The following ERI1 variants were observed in gnomAD, a reference collection of about 807,000 sequenced individuals.
ERI1 encodes exoribonuclease 1.
Under a neutral mutation model 39.7 loss-of-function variants are expected in ERI1, and 39 were observed. That is an observed-to-expected ratio of 0.98 (90% CI 0.76 to 1.28). The LOEUF is 1.28. Among genes scored for constraint, ERI1 ranks in the 50% most tolerant of loss-of-function variants. ERI1 has a pLI of 0.00. For missense variants in ERI1, 581 were observed against 416.9 expected, an observed-to-expected ratio of 1.39 and a Z score of -3.43; for synonymous variants, 204 against 149.6, an observed-to-expected ratio of 1.36 and a Z score of -2.65.
At position 9,030,931 on chromosome 8, in the gene ERI1, C is replaced by T. The variant is rs558877445; in HGVS notation, c.*897C>T. 7 of 152,246 alleles carry T rather than the reference C, an allele frequency of 4.6e-5. 1 individual carries two copies. The highest frequency in any genetic ancestry group is 1.4e-4 in the African/African-American group (6 of 41,554). 9.4% of individuals were successfully genotyped at this position (152,246 alleles called of 1,614,324 possible). On this transcript the variant is annotated 3_prime_UTR_variant, in exon 7 of 7. Coordinates refer to ENST00000250263, the MANE Select transcript of ERI1 (RefSeq NM_153332.4). ...ATATTACGTTTTTGTTATTAAAAAA[C>T]TTCATTGGCCACTAGTGAAGTTAGT...
intron 3 of ERI1, among the ~76,000 whole-genome samples, chr8:9,089,643 G>T (rs1480951027): frequency 6.6e-6 from 1 of 151,670 alleles, no homozygotes; most frequent in Non-Finnish European, 1.5e-5. Context: ...CACCATCAAA[G>T]TCCTGCCCGG....
intron 3 of ERI1, among the ~76,000 whole-genome samples, chr8:9,070,440 A>T (rs1223985741): frequency 6.6e-6 from 1 of 152,202 alleles, no homozygotes; most frequent in African/African-American, 2.4e-5. Flanking sequence ...ATGAGCTATG[A>T]TCCCACCACT....
intron 3 of ERI1, among the ~76,000 whole-genome samples, chr8:9,067,136 G>A (rs1027344707): frequency 4.6e-5 from 7 of 152,020 alleles, no homozygotes; most frequent in Admixed American, 2.6e-4. Flanking sequence ...ACATAAAATC[G>A]TTTTGGGAAC....
intron 3 of ERI1, among the ~76,000 whole-genome samples, chr8:9,086,644 A>G (rs1301256731): frequency 6.6e-6 from 1 of 152,220 alleles, no homozygotes; most frequent in Admixed American, 6.5e-5. Context: ...GTTCAATATT[A>G]TAGCAAGAAG....
chr8:9,058,857 A>C (rs1481159311), intron 3 of ERI1, among the ~76,000 whole-genome samples: 1 of 151,928 alleles, frequency 6.6e-6, no homozygotes, highest in African/African-American at 2.4e-5. Flanking sequence ...AAATAAATAA[A>C]TAAATAAATA....
At chr8:9,063,714 C>A (rs1177530801) in intron 3 of ERI1, among the ~76,000 whole-genome samples, 1 of 152,042 alleles carries the variant, frequency 6.6e-6, no homozygotes, top group Non-Finnish European at 1.5e-5. Flanking sequence ...GACCATTTGC[C>A]CATTTTACAA....
At chr8:9,040,600 C>G (rs1053101304) in intron 3 of ERI1, among the ~76,000 whole-genome samples, 1 of 152,032 alleles carries the variant, frequency 6.6e-6, no homozygotes, top group African/African-American at 2.4e-5. Flanking sequence ...GCTGAGGCAC[C>G]CCTTAGAAGG....
At chr8:9,055,893 A>G (rs1394609124) in intron 3 of ERI1, among the ~76,000 whole-genome samples, 1 of 152,070 alleles carries the variant, frequency 6.6e-6, no homozygotes, top group Non-Finnish European at 1.5e-5. Flanking sequence ...TCTGGTTTCT[A>G]TGACCTACCT....
At chr8:9,008,639 T>C (rs73524209) in intron 2 of ERI1, among the ~76,000 whole-genome samples, 1 of 152,204 alleles carries the variant, frequency 6.6e-6, no homozygotes, top group African/African-American at 2.4e-5. Flanking sequence ...GTATATTGAG[T>C]GAGAAAACAA....
chr8:9,030,309 T>C lies in ERI1; in HGVS notation c.*275T>C, dbSNP rs747489262. The C allele has an allele frequency of 5.6e-5, 21 of 373,802 alleles. No individual in the cohort carries two copies. In the Admixed American group the frequency reaches 7.2e-4, roughly 13 times the overall value. The allele number at this position is 373,802 out of a possible 1,614,324, so 23.2% of individuals were successfully genotyped here. On this transcript the variant is annotated 3_prime_UTR_variant, in exon 7 of 7. Transcript: ENST00000250263. ...TTTATAATTTAAGGTGTTCAAGATA[T>C]ATTCTTTTTGGTTTTAAAATGCAAA...
chr8:9,036,406 C>T (rs1027930468), downstream of ERI1, among the ~76,000 whole-genome samples: 3 of 152,196 alleles, frequency 2.0e-5, no homozygotes, highest in African/African-American at 7.2e-5. Flanking sequence ...AGGCAAGATC[C>T]TACACCAGCA....
At chr8:9,047,253 T>C (rs1261568699) in intron 3 of ERI1, among the ~76,000 whole-genome samples, 1 of 152,180 alleles carries the variant, frequency 6.6e-6, no homozygotes, top group African/African-American at 2.4e-5. Flanking sequence ...ACTGGGAGTT[T>C]ATAGCAGTGC....
At chr8:9,003,603 C>A (rs1427650072) in intron 1 of ERI1, among the ~76,000 whole-genome samples, 1 of 152,198 alleles carries the variant, frequency 6.6e-6, no homozygotes, top group Non-Finnish European at 1.5e-5. Flanking sequence ...TCACCAGCAT[C>A]CCTGTCTCTG....
downstream of ERI1, among the ~76,000 whole-genome samples, chr8:9,033,961 C>T (rs1417681507): frequency 3.3e-5 from 5 of 152,200 alleles, no homozygotes; most frequent in Non-Finnish European, 7.3e-5. Flanking sequence ...ATATAAAATA[C>T]TGTTAACTTC....
At chr8:9,077,861 A>AT (rs1799255290) in intron 3 of ERI1, among the ~76,000 whole-genome samples, 1 of 151,968 alleles carries the variant, frequency 6.6e-6, no homozygotes, top group South Asian at 2.1e-4. Context: ...TATTTGGGGA[A>AT]TTTTTTTCTG....
At chr8:9,023,331 T>C (rs1248672564) in intron 6 of ERI1, among the ~76,000 whole-genome samples, 4 of 152,174 alleles carry the variant, frequency 2.6e-5, no homozygotes, top group Non-Finnish European at 5.9e-5. Flanking sequence ...CAGTTTATAC[T>C]CCAGTTGAGA....
chr8:9,029,226 T>G (rs1230163162), intron 6 of ERI1, among the ~76,000 whole-genome samples: 1 of 152,132 alleles, frequency 6.6e-6, no homozygotes, highest in African/African-American at 2.4e-5. Flanking sequence ...TACATTCCCT[T>G]TAATAAATTA....
rs73662297 is a variant in ERI1 at position 9,090,073 on chromosome 8, G to A, written n.300-26275G>A. Among the ~76,000 whole-genome samples the A allele has an allele frequency of 5.1e-3, 771 of 152,254 alleles. 2 individuals carry two copies. The highest frequency in any genetic ancestry group is 0.017 in the African/African-American group (715 of 41,554). ...ATTGTGCCATGTTTCCAATCTGCAC[G>A]TGTGCGGATGTGCAACCGGGAGACA... is the stretch of plus-strand genomic sequence containing the variant. On this transcript the variant is annotated intron_variant and non_coding_transcript_variant, in intron 3 of 3. Coordinates refer to the ERI1 transcript ENST00000518663.
intron 1 of ERI1, 35 bp from the exon 2 acceptor site, chr8:9,007,935 C>CTTTTTTTTTTTT (rs556702690): frequency 2.1e-6 from 2 of 969,298 alleles, no homozygotes; most frequent in African/African-American, 2.8e-5. Context: ...AAACTACATC[C>CTTTTTTTTTTTT]TTTTTTTTTT....
Sources: allele counts gnomAD v4.1 joint callset (sites outside exome capture counted in the v4.1 genomes callset), GRCh38; gene constraint gnomAD v4.1.1; transcripts MANE v1.5; gene names NCBI Gene and HGNC (gene_info 2026-07-23, HGNC 2026-07-21).